The following GREB1 variants were observed in gnomAD, a reference collection of about 807,000 sequenced individuals.
GREB1 encodes the protein growth regulating estrogen receptor binding 1, also known as protein GREB1.
A neutral mutation model predicts 200.7 loss-of-function variants in GREB1; 106 were observed. The ratio of observed to expected loss-of-function variants is 0.53; its 90% CI spans 0.45 to 0.62. GREB1 has a LOEUF of 0.62. Ranked by LOEUF, GREB1 falls within the 20% of genes least tolerant of loss-of-function variation. GREB1 has a pLI of 0.00. For synonymous variants in GREB1, 1,132 were observed against 1,092.4 expected (o/e 1.04, Z -0.72); for missense variants, 2,243 against 2,556.8 (o/e 0.88, Z 2.65).
At chr2:11,506,773 C>T (rs1001185411) in intron 1 of GREB1, among the ~76,000 whole-genome samples, 3 of 152,104 alleles carry the variant, frequency 2.0e-5, no homozygotes, top group African/African-American at 7.2e-5. Context: ...AGCGTGGAAC[C>T]CTGAGCTCTG....
intron 17 of GREB1, among the ~76,000 whole-genome samples, chr2:11,609,242 T>TTTATTTATTTA (rs1553374319): frequency 7.3e-6 from 1 of 136,878 alleles, no homozygotes; most frequent in East Asian, 2.1e-4. Context: ...GGCATTATTA[T>TTTATTTATTTA]TTTATTTATT....
chr2:11,496,120 C>A (rs917689655), intron 1 of GREB1, among the ~76,000 whole-genome samples: 3 of 152,118 alleles, frequency 2.0e-5, no homozygotes, highest in Non-Finnish European at 4.4e-5. Context: ...CTGGGACTGT[C>A]CTTGAGTCTA....
chr2:11,562,764 C>A, intron 3 of GREB1, 182 bp downstream of exon 3: 1 of 553,378 alleles, frequency 1.8e-6, no homozygotes. Flanking sequence ...GGCCTGCCCT[C>A]CTGAAACAGG....
At chr2:11,533,266 T>C (rs111393861), upstream of GREB1, among the ~76,000 whole-genome samples, 2,154 of 152,308 alleles carry the variant, frequency 0.014, 30 homozygotes, top group Non-Finnish European at 0.024. Flanking sequence ...GGAATATGTT[T>C]ATGATCAGCA....
At position 11,638,674 on chromosome 2, in the gene GREB1, T is replaced by G; in HGVS notation, c.5551T>G (p.Ser1851Ala). The G allele has an allele frequency of 6.2e-7, 1 of 1,610,228 alleles. No individual in the cohort carries two copies. The highest frequency in any genetic ancestry group is 8.5e-7 in the Non-Finnish European group (1 of 1,179,210). Residue 1851 changes from serine (S) to alanine (A), a missense_variant, in exon 32 of 33, where the codon TCT (serine) becomes GCT (alanine). Transcript: ENST00000381486. The part of the protein sequence containing the change: ...DCYLNLGSQI[S>A]VCYVSSRPHS... The stretch of plus-strand genomic sequence containing the variant: ...TCTTGGATTTCTTCTTTTTCAGATT[T>G]CTGTTTGCTATGTGAGCTCCAGGCC...
chr2:11,613,067 A>G (rs12612679), intron 19 of GREB1, among the ~76,000 whole-genome samples: 53,814 of 152,072 alleles, frequency 0.35, 12,434 homozygotes, highest in African/African-American at 0.66. Context: ...CTGGGAGTGG[A>G]GGCAACTGAC....
intron 1 of GREB1, among the ~76,000 whole-genome samples, chr2:11,519,675 C>T (rs1673640310): frequency 6.6e-6 from 1 of 151,946 alleles, no homozygotes; most frequent in South Asian, 2.1e-4. Flanking sequence ...AGGCTGGTCT[C>T]GACCTCTTGA....
intron 1 of GREB1, among the ~76,000 whole-genome samples, chr2:11,502,569 C>G (rs1673077860): frequency 6.6e-6 from 1 of 151,944 alleles, no homozygotes. Context: ...GGGTTTTCCT[C>G]AGTTCATATA....
intron 7 of GREB1, among the ~76,000 whole-genome samples, chr2:11,581,558 A>G (rs1679483457): frequency 6.6e-6 from 1 of 152,180 alleles, no homozygotes; most frequent in African/African-American, 2.4e-5. Context: ...ACCTCCTGCC[A>G]GAGGAGGGTT....
chr2:11,565,980 A>G (rs1677596628), intron 3 of GREB1, among the ~76,000 whole-genome samples: 1 of 152,082 alleles, frequency 6.6e-6, no homozygotes, highest in Admixed American at 6.5e-5. Flanking sequence ...TGGCACCGAT[A>G]CACAAATAAC....
intron 15 of GREB1, 21 bp from the exon 16 acceptor site, chr2:11,600,779 T>C (rs1572879036): frequency 2.5e-6 from 4 of 1,589,642 alleles, no homozygotes; most frequent in African/African-American, 2.7e-5. Context: ...ATTCCACTGA[T>C]TGTGTCTTCT....
chr2:11,518,358 T>C (rs963930126), intron 1 of GREB1, among the ~76,000 whole-genome samples: 22 of 152,230 alleles, frequency 1.4e-4, no homozygotes, highest in African/African-American at 4.8e-4. Context: ...GTAAGGTGAC[T>C]GTGTTTTCCT....
chr2:11,567,884 T>A (rs1677839716), intron 4 of GREB1, among the ~76,000 whole-genome samples: 1 of 152,206 alleles, frequency 6.6e-6, no homozygotes, highest in African/African-American at 2.4e-5. Context: ...TGTATCCCCC[T>A]GGGCTTCTGC....
intron 1 of GREB1, chr2:11,542,974 A>T (rs1211757904): frequency 6.6e-6 from 1 of 152,074 alleles, no homozygotes; most frequent in African/African-American, 2.4e-5. Flanking sequence ...TTCAGACAGG[A>T]CCTCAGTCTA....
chr2:11,558,399 T>C (rs1313959924), intron 2 of GREB1, among the ~76,000 whole-genome samples: 1 of 152,196 alleles, frequency 6.6e-6, no homozygotes, highest in Non-Finnish European at 1.5e-5. Flanking sequence ...CTGTTGGACA[T>C]GTGGCACTGT....
At chr2:11,637,218 G>T in intron 30 of GREB1, among the ~76,000 whole-genome samples, 1 of 152,170 alleles carries the variant, frequency 6.6e-6, no homozygotes, top group Non-Finnish European at 1.5e-5. Context: ...CCCAGCTATG[G>T]GAAAGTTCCA....
intron 1 of GREB1, among the ~76,000 whole-genome samples, chr2:11,545,986 T>C (rs1299579569): frequency 6.6e-6 from 1 of 152,174 alleles, no homozygotes; most frequent in Admixed American, 6.5e-5. Context: ...AAGACCAGCC[T>C]GACCAACATG....
chr2:11,485,102 C>T (rs1196237693), intron 1 of GREB1, among the ~76,000 whole-genome samples: 1 of 152,188 alleles, frequency 6.6e-6, no homozygotes, highest in Non-Finnish European at 1.5e-5. Flanking sequence ...GCTGGGATTA[C>T]AGGCTTGAGC....
intron 6 of GREB1, among the ~76,000 whole-genome samples, chr2:11,579,875 C>T (rs569819972): frequency 2.6e-5 from 4 of 152,298 alleles, no homozygotes; most frequent in East Asian, 3.9e-4. Context: ...GCTGCAAACC[C>T]GACTGCTCTC....
Sources: gnomAD v4.1 joint callset for allele counts (sites outside exome capture counted in the v4.1 genomes callset) on GRCh38, gnomAD v4.1.1 for gene constraint, MANE v1.5 for transcripts, NCBI Gene and HGNC (gene_info 2026-07-23, HGNC 2026-07-21) for gene names.